The following VPS52 variants were observed in gnomAD, a reference collection of about 807,000 sequenced individuals.
VPS52 encodes the protein VPS52 subunit of GARP complex.
VPS52 carries 56 observed loss-of-function variants against 98.7 expected under a neutral mutation model. That is an observed-to-expected ratio of 0.57 (90% CI 0.46 to 0.71). The LOEUF (loss-of-function observed/expected upper bound fraction) is 0.71. VPS52 is among the 30% of genes least tolerant of loss of function. The probability of loss-of-function intolerance (pLI) is 0.00; values close to 1 mark genes in which losing one functional copy is unlikely to be tolerated. For synonymous variants in VPS52, 348 were observed against 346.4 expected (o/e 1.00, Z -0.05); for missense variants, 742 against 925.9 (o/e 0.80, Z 2.58).
rs191944421 is a variant in VPS52 at position 33,265,578 on chromosome 6, C to T, written c.1282-678G>A. On this transcript the variant is annotated intron_variant, in intron 12 of 19. Transcript: ENST00000445902. ...GTAGAGACAAGGTCTTGCCGCATTG[C>T]CCAGGCTGGTCTCGAACTCCTGGCC... Among the ~76,000 whole-genome samples, 57 of 152,168 alleles carry T rather than the reference C, an allele frequency of 3.7e-4. No homozygotes were observed. The East Asian group carries it at 9.5e-3, about 25-fold the overall frequency.
chr6:33,250,289 T>G lies in VPS52; in HGVS notation c.*552A>C, dbSNP rs1762062196. ...AAATGGGATAAGTGTCATGTCATAC[T>G]AAATATTTATTTTCTGCAGACTGAC... On this transcript the variant is annotated 3_prime_UTR_variant, in exon 20 of 20. Coordinates refer to ENST00000445902, the MANE Select transcript of VPS52 (RefSeq NM_022553.6). 6.5e-6 allele frequency: 1 copy of G among 152,740 alleles called. No homozygotes were observed. Among genetic ancestry groups the G allele is most frequent in the Non-Finnish European group, 1.5e-5 (1 of 68,382 alleles). 9.5% of individuals were successfully genotyped at this position (152,740 alleles called of 1,614,324 possible). A position where few individuals can be genotyped will look rare whatever the true frequency, so the allele number is the denominator to read the frequency against.
Position 33,269,788 on chromosome 6 carries a change from A to G in VPS52, c.260T>C (p.Val87Ala), listed in dbSNP as rs997915874. The G allele has an allele frequency of 7.1e-7, 1 of 1,413,336 alleles. No homozygotes were observed. Among genetic ancestry groups the G allele is most frequent in the Non-Finnish European group, 9.3e-7 (1 of 1,077,182 alleles). The allele number at this position is 1,413,336 out of a possible 1,614,324, so 87.5% of individuals were successfully genotyped here. ...TTCAATCTGCTGTAGCTCCAGCTCAACTTGCTTTGAATAGTGACGGAGATC... is the reference window on the plus strand; with the variant it reads ...TTCAATCTGCTGTAGCTCCAGCTCAGCTTGCTTTGAATAGTGACGGAGATC... ...GVDLRHYSKQ[V>A]ELELQQIEQK... The change falls in exon 4 of 20, where the codon GTT becomes GCT. Residue 87 changes from valine to alanine, a missense_variant. By Grantham distance (64) the Val-to-Ala change is moderately conservative. This residue lies in a region of VPS52 where 152 missense variants were observed against 132.6 expected (regional missense o/e 1.15). Coordinates refer to ENST00000445902, the MANE Select transcript of VPS52 (RefSeq NM_022553.6).
At chr6:33,261,998 C>A (rs1346671710) in intron 17 of VPS52, among the ~76,000 whole-genome samples, 1 of 130,440 alleles carries the variant, frequency 7.7e-6, no homozygotes, top group African/African-American at 3.0e-5. Context: ...TGAGATCGCA[C>A]CATCGCACTC....
At chr6:33,252,357 G>A (rs1762372080) in intron 17 of VPS52, among the ~76,000 whole-genome samples, 2 of 152,186 alleles carry the variant, frequency 1.3e-5, no homozygotes, top group Admixed American at 1.3e-4. Context: ...GGGAGGCTGA[G>A]GTGGGCAGAT....
chr6:33,250,974 T>A lies in VPS52; in HGVS notation c.2039A>T (p.Gln680Leu). The change falls in exon 20 of 20, where the codon CAG becomes CTG. Residue 680 changes from glutamine (Q) to leucine (L), a missense_variant. Around this residue, in one of 2 missense-constraint regions of VPS52, gnomAD observed 590 missense variants for 793.3 expected, o/e 0.74. Coordinates refer to ENST00000445902, the MANE Select transcript of VPS52 (RefSeq NM_022553.6). ...GAAGCGATGATAGAGCTGGATCAGC[T>A]GGGTCAGCGCTCCCTGGTCAAAGAA... ...GTSIIQGALT[Q>L]LIQLYHRFHR... 1.2e-6 allele frequency: 2 copies of A among 1,613,086 alleles called. No individual in the cohort carries two copies. The highest frequency in any genetic ancestry group is 1.7e-6 in the Non-Finnish European group (2 of 1,180,044).
chr6:33,263,591 G>A (rs147195995), intron 16 of VPS52, 42 bp from the exon 17 acceptor site: 3 of 1,612,796 alleles, frequency 1.9e-6, no homozygotes, highest in African/African-American at 1.3e-5. Flanking sequence ...GGGGAAAGCA[G>A]TCCTTCACTT....
At chr6:33,265,544 A>T (rs1221246805) in intron 12 of VPS52, among the ~76,000 whole-genome samples, 2 of 151,810 alleles carry the variant, frequency 1.3e-5, no homozygotes, top group East Asian at 3.9e-4. Flanking sequence ...GTTTATTTTT[A>T]AATTTTTTGT....
intron 17 of VPS52, among the ~76,000 whole-genome samples, chr6:33,262,040 C>CAA (rs9257102): frequency 0.36 from 5,462 of 15,178 alleles, 1,292 homozygotes; most frequent in East Asian, 0.67. Flanking sequence ...AACTCCATCT[C>CAA]AAAAAAAAAA....
At position 33,271,810 on chromosome 6, in the gene VPS52, G is replaced by C. The variant is rs1765139199; in HGVS notation, c.-135C>G. 6 of 1,451,314 alleles carry C rather than the reference G, an allele frequency of 4.1e-6. No individual in the cohort carries two copies. Among genetic ancestry groups the C allele is most frequent in the Non-Finnish European group, 5.4e-6 (6 of 1,101,794 alleles). 89.9% of individuals were successfully genotyped at this position (1,451,314 alleles called of 1,614,324 possible). ...TGAGTTAAGTTGTTTGACTCCAGCT[G>C]TCCCCTTTCAGCTCTAACCACTTCA... On this transcript the variant is annotated 5_prime_UTR_variant, in exon 1 of 20. Coordinates refer to ENST00000445902, the MANE Select transcript of VPS52 (RefSeq NM_022553.6).
intron 1 of VPS52, chr6:33,271,148 G>A: frequency 2.0e-6 from 1 of 501,588 alleles, no homozygotes; most frequent in South Asian, 2.6e-5. Context: ...TGCATGCCAG[G>A]TGCAATCTTA....
Position 33,267,813 on chromosome 6 carries a change from TC to T in VPS52, c.933+51del. The T allele has an allele frequency of 6.2e-7, 1 of 1,612,904 alleles. No individual in the cohort carries two copies. The highest frequency in any genetic ancestry group is 1.1e-5 in the South Asian group (1 of 91,054). ...ATAAAATATTCCTTGCCCAGGGATG[TC>T]CCCTCCTCCCAGTCCATGTGCCCAG... On this transcript the variant is annotated intron_variant, in intron 9 of 19. Transcript: ENST00000445902. This position sits in a 1 kb window ranked among gnomAD's most constrained non-coding sequence, Gnocchi z 4.2.
At chr6:33,255,026 T>C (rs1762766862) in intron 17 of VPS52, 1 of 152,162 alleles carries the variant, frequency 6.6e-6, no homozygotes, top group Non-Finnish European at 1.5e-5. Context: ...GATGTAGTGG[T>C]TTAAAAAATT....
chr6:33,256,463 CAAAAAA>C (rs9280385), intron 17 of VPS52, among the ~76,000 whole-genome samples: 3 of 83,746 alleles, frequency 3.6e-5, no homozygotes, highest in East Asian at 2.6e-4. Context: ...AAACCTGTCT[CAAAAAA>C]AAAAAAAAAA....
Position 33,268,420 on chromosome 6 carries a change from T to G in VPS52, c.699+79A>C. 6.6e-7 allele frequency: 1 copy of G among 1,515,384 alleles called. No individual in the cohort carries two copies. The highest frequency in any genetic ancestry group is 1.4e-5 in the African/African-American group (1 of 72,106). The allele number at this position is 1,515,384 out of a possible 1,614,324, so 93.9% of individuals were successfully genotyped here. On this transcript the variant is annotated intron_variant, in intron 7 of 19. Transcript: ENST00000445902. The surrounding 1 kb of genome is among the most constrained non-coding windows in gnomAD (Gnocchi z 4.0). ...TCCCTGGAGACAGGCTACAGTGAGC[T>G]CTGCCAAGGAAATCCATAGTGAAGA...
chr6:33,251,913 T>C lies in VPS52; in HGVS notation c.1853A>G (p.Glu618Gly), dbSNP rs1286896841. 3.1e-6 allele frequency: 5 copies of C among 1,613,130 alleles called. No homozygotes were observed. In the African/African-American group the frequency reaches 4.0e-5, roughly 13 times the overall value. ...PFGGLVAFVKEAEALIERGQA... is the reference protein window; with the variant it reads ...PFGGLVAFVKGAEALIERGQA... ...TCCACGCTCAATCAAAGCCTCAGCC[T>C]CCTTCACAAATGCCACTAAACCCCC... The change falls in exon 18 of 20, where the codon GAG (glutamate) becomes GGG (glycine). Residue 618 changes from glutamate to glycine, a missense_variant. This residue lies in a region of VPS52 where 590 missense variants were observed against 793.3 expected (regional missense o/e 0.74). Coordinates refer to ENST00000445902, the MANE Select transcript of VPS52 (RefSeq NM_022553.6).
chr6:33,270,326 CAGAA>C (rs1401253082), intron 1 of VPS52, 43 bp from the exon 2 acceptor site: 1 of 1,549,880 alleles, frequency 6.5e-7, no homozygotes, highest in East Asian at 2.3e-5. Context: ...CGGTGAAAGA[CAGAA>C]AGAAAAAATA....
At position 33,263,783 on chromosome 6, in the gene VPS52, C is replaced by T; in HGVS notation, c.1717G>A (p.Gly573Ser). Residue 573 changes from glycine to serine, a missense_variant, in exon 16 of 20, where the codon GGT (glycine) becomes AGT (serine). Physicochemically the swap from Gly to Ser is moderately conservative, Grantham distance 56. This residue lies in a region of VPS52 where 590 missense variants were observed against 793.3 expected (regional missense o/e 0.74). Transcript: ENST00000445902. ...FLINNYDMML[G>S]VLMERAADDS... ...GGAGCACCTATTACCATCAGCACACCCAGCATCATGTCATAGTTGTTGATC... is the reference window on the plus strand; with the variant it reads ...GGAGCACCTATTACCATCAGCACACTCAGCATCATGTCATAGTTGTTGATC... The T allele has an allele frequency of 6.2e-7, 1 of 1,614,172 alleles. No individual in the cohort carries two copies. The highest frequency in any genetic ancestry group is 8.5e-7 in the Non-Finnish European group (1 of 1,180,036).
chr6:33,251,828 C>A (rs1333885172), intron 18 of VPS52, 32 bp downstream of exon 18: 9 of 1,605,778 alleles, frequency 5.6e-6, no homozygotes, highest in South Asian at 1.1e-5. Flanking sequence ...TCCCTTACCA[C>A]TGATCCCATC....
intron 1 of VPS52, 92 bp from the exon 2 acceptor site, chr6:33,270,375 A>C (rs1562580827): frequency 1.6e-6 from 2 of 1,237,692 alleles, no homozygotes; most frequent in African/African-American, 3.0e-5. Context: ...AGTGAGAAGG[A>C]GCTGCTTTTA....
Sources: allele counts gnomAD v4.1 joint callset (sites outside exome capture counted in the v4.1 genomes callset), GRCh38; gene constraint gnomAD v4.1.1; regional missense constraint gnomAD v4.1.1; non-coding constraint Gnocchi (gnomAD v3.1); transcripts MANE v1.5; gene names NCBI Gene and HGNC (gene_info 2026-07-23, HGNC 2026-07-21).